KDM1A: variants seen among roughly 807,000 people sequenced by gnomAD.
The protein encoded by KDM1A is lysine demethylase 1A, also known as lysine-specific histone demethylase 1A.
A neutral mutation model predicts 109.4 loss-of-function variants in KDM1A; 49 were observed. The observed-to-expected ratio is 0.45, with a 90% CI of 0.36 to 0.57. The LOEUF (loss-of-function observed/expected upper bound fraction) is 0.57, where lower values mean the gene tolerates loss of function less well. Among genes scored for constraint, KDM1A ranks in the 20% least tolerant of loss-of-function variants. KDM1A has a pLI of 0.00. For synonymous variants in KDM1A, 380 were observed against 415.4 expected, an observed-to-expected ratio of 0.91 and a Z score of 1.04; for missense variants, 668 against 1,116.6, an observed-to-expected ratio of 0.60 and a Z score of 5.73.
At chr1:23,023,206 C>T (rs576907555) in intron 1 of KDM1A, among the ~76,000 whole-genome samples, 5 of 152,228 alleles carry the variant, frequency 3.3e-5, no homozygotes, top group African/African-American at 7.2e-5. Context: ...ATTCTGGTTA[C>T]GGAAATTTGT....
intron 1 of KDM1A, among the ~76,000 whole-genome samples, chr1:23,029,090 A>G (rs1439524174): frequency 1.3e-5 from 2 of 152,134 alleles, no homozygotes; most frequent in Non-Finnish European, 2.9e-5. Context: ...ACTTCCAGCA[A>G]CCAGTCCCCC....
At chr1:23,072,326 A>C (rs1330163789) in intron 14 of KDM1A, 129 bp downstream of exon 14, 2 of 686,378 alleles carry the variant, frequency 2.9e-6, no homozygotes, top group African/African-American at 3.6e-5. Context: ...TTGTTAAATA[A>C]ATGAATGTGT....
At chr1:23,070,490 T>C (rs891723745) in intron 12 of KDM1A, among the ~76,000 whole-genome samples, 1 of 147,796 alleles carries the variant, frequency 6.8e-6, no homozygotes, top group Non-Finnish European at 1.5e-5. Flanking sequence ...AAAAAAAAAT[T>C]CTTTGACCTT....
rs187288117 is a variant in KDM1A at position 23,051,699 on chromosome 1, C to G, written c.711+1179C>G. Among the ~76,000 whole-genome samples the G allele has an allele frequency of 3.0e-4, 45 of 152,260 alleles. 1 individual carries two copies. Among genetic ancestry groups the G allele is most frequent in the Admixed American group, 2.1e-3 (32 of 15,294 alleles). Reference sequence around the variant, plus strand: ...CTATTCAGAACATGCTCATGTTACTCTAGGGTGGTACAACGCAGAAGAAAT... The same window carrying G: ...CTATTCAGAACATGCTCATGTTACTGTAGGGTGGTACAACGCAGAAGAAAT... On this transcript the variant is annotated intron_variant, in intron 4 of 20. Coordinates refer to ENST00000400181, the MANE Select transcript of KDM1A (RefSeq NM_001009999.3).
intron 9 of KDM1A, among the ~76,000 whole-genome samples, chr1:23,062,889 A>G (rs1214643263): frequency 6.6e-6 from 1 of 152,200 alleles, no homozygotes; most frequent in African/African-American, 2.4e-5. Flanking sequence ...AGTCAGAGCT[A>G]GTATAGCAGC....
intron 16 of KDM1A, among the ~76,000 whole-genome samples, chr1:23,078,087 T>A (rs1643517225): frequency 6.6e-6 from 1 of 152,216 alleles, no homozygotes; most frequent in Non-Finnish European, 1.5e-5. Flanking sequence ...GCATGAGAAA[T>A]GGAGACATAG....
At chr1:23,027,373 T>C (rs1291870544) in intron 1 of KDM1A, among the ~76,000 whole-genome samples, 1 of 151,716 alleles carries the variant, frequency 6.6e-6, no homozygotes, top group African/African-American at 2.4e-5. Flanking sequence ...TGGTACTGAT[T>C]TGACAAATTG....
intron 2 of KDM1A, among the ~76,000 whole-genome samples, chr1:23,036,765 A>G (rs1029035735): frequency 2.6e-5 from 4 of 152,184 alleles, no homozygotes; most frequent in Admixed American, 2.0e-4. Context: ...CTAGAGGCAT[A>G]TAGAGGTAGG....
intron 2 of KDM1A, 68 bp from the exon 3 acceptor site, chr1:23,044,359 C>A: frequency 4.2e-6 from 6 of 1,434,200 alleles, no homozygotes; most frequent in Non-Finnish European, 4.8e-6. Flanking sequence ...AACTATTAGG[C>A]CTTTATGTCC....
In KDM1A at chr1:23,019,631, C is replaced by T. The variant is rs755576939; in HGVS notation, c.35C>T (p.Ala12Val). ...LSGKKAAAAA[A>V]AAAAAATGTE... Reference sequence around the variant, plus strand: ...GGGAAGAAGGCGGCAGCCGCGGCGGCGGCGGCTGCAGCGGCAGCAACCGGG... The same window carrying T: ...GGGAAGAAGGCGGCAGCCGCGGCGGTGGCGGCTGCAGCGGCAGCAACCGGG... Residue 12 changes from alanine (A) to valine (V), a missense_variant, in exon 1 of 21, where the codon GCG (alanine) becomes GTG (valine). Transcript: ENST00000400181. The T allele has an allele frequency of 3.5e-6, 5 of 1,417,210 alleles. No individual in the cohort carries two copies. The African/African-American group carries it at 6.0e-5, about 17-fold the overall frequency. 87.8% of individuals were successfully genotyped at this position (1,417,210 alleles called of 1,614,324 possible). A position where few individuals can be genotyped will look rare whatever the true frequency, so the allele number is the denominator to read the frequency against.
rs959388280 is a variant in KDM1A, at chr1:23,050,653, C to T, written c.711+133C>T. ...TAATACTATTATTACCCAGAGATAA[C>T]CTTTGTTAATAGTTATTTTTCATTT... On this transcript the variant is annotated intron_variant, in intron 4 of 20. Coordinates refer to ENST00000400181, the MANE Select transcript of KDM1A (RefSeq NM_001009999.3). 36 of 692,416 alleles carry T rather than the reference C, an allele frequency of 5.2e-5. No individual in the cohort carries two copies. In the African/African-American group the frequency reaches 5.2e-4, roughly 10 times the overall value. 42.9% of individuals were successfully genotyped at this position (692,416 alleles called of 1,614,324 possible).
At chr1:23,027,201 C>G (rs1287875016) in intron 1 of KDM1A, among the ~76,000 whole-genome samples, 9 of 151,938 alleles carry the variant, frequency 5.9e-5, no homozygotes, top group Admixed American at 5.9e-4. Flanking sequence ...AGTTGTCAGT[C>G]TATGAGAAAA....
intron 1 of KDM1A, chr1:23,020,175 A>AG: frequency 2.4e-6 from 1 of 422,446 alleles, no homozygotes; most frequent in Non-Finnish European, 4.1e-6. Flanking sequence ...CGACGTGGGA[A>AG]GGGGCATCGA....
intron 2 of KDM1A, among the ~76,000 whole-genome samples, chr1:23,034,730 A>G (rs964749429): frequency 2.6e-5 from 4 of 152,212 alleles, no homozygotes; most frequent in East Asian, 3.8e-4. Flanking sequence ...ACTTTTCACT[A>G]GAGAACTCAA....
chr1:23,066,756 T>C (rs1643171498), intron 10 of KDM1A, among the ~76,000 whole-genome samples: 1 of 152,232 alleles, frequency 6.6e-6, no homozygotes, highest in Admixed American at 6.5e-5. Flanking sequence ...GATTTCACAT[T>C]GAAATGTAAT....
At chr1:23,078,863 T>C in intron 16 of KDM1A, 127 bp from the exon 17 acceptor site, 2 of 860,604 alleles carry the variant, frequency 2.3e-6, no homozygotes, top group South Asian at 3.4e-5. Context: ...ATGTGAAACA[T>C]GAAGGTAATG....
intron 15 of KDM1A, among the ~76,000 whole-genome samples, chr1:23,074,875 C>A: frequency 6.6e-6 from 1 of 152,166 alleles, no homozygotes; most frequent in East Asian, 1.9e-4. Context: ...GTTGTCTTTT[C>A]TGTTAATTTA....
intron 2 of KDM1A, among the ~76,000 whole-genome samples, chr1:23,039,664 T>C (rs1208878102): frequency 6.6e-6 from 1 of 152,228 alleles, no homozygotes; most frequent in African/African-American, 2.4e-5. Context: ...GCACATACCA[T>C]GTCTGTGCTT....
chr1:23,050,554 A>G, intron 4 of KDM1A, 34 bp downstream of exon 4: 4 of 1,560,514 alleles, frequency 2.6e-6, no homozygotes, highest in Non-Finnish European at 3.5e-6. Flanking sequence ...CACCTGGATT[A>G]TAAAAAGTAT....
Sources: gnomAD v4.1 joint callset for allele counts (sites outside exome capture counted in the v4.1 genomes callset) on GRCh38, gnomAD v4.1.1 for gene constraint, MANE v1.5 for transcripts, NCBI Gene and HGNC (gene_info 2026-07-23, HGNC 2026-07-21) for gene names.